The following NPAT variants were observed in gnomAD, a reference collection of about 807,000 sequenced individuals.
NPAT encodes the protein protein NPAT.
A neutral mutation model predicts 130.7 loss-of-function variants in NPAT; 52 were observed. The ratio of observed to expected loss-of-function variants is 0.40; its 90% CI spans 0.32 to 0.50. NPAT has a LOEUF of 0.50. NPAT is among the 20% of genes least tolerant of loss of function. The probability of loss-of-function intolerance (pLI) is 0.68; values close to 1 mark genes in which losing one functional copy is unlikely to be tolerated. For synonymous variants in NPAT, 580 were observed against 584.8 expected, an observed-to-expected ratio of 0.99 and a Z score of 0.12; for missense variants, 1,687 against 1,662.6, an observed-to-expected ratio of 1.01 and a Z score of -0.26.
intron 8 of NPAT, among the ~76,000 whole-genome samples, chr11:108,185,700 C>G (rs1317343252): frequency 6.6e-6 from 1 of 152,198 alleles, no homozygotes; most frequent in Non-Finnish European, 1.5e-5. Flanking sequence ...TTCACCAACT[C>G]TTTCTTATAC....
At position 108,158,761 on chromosome 11, in the gene NPAT, A is replaced by T. The variant is rs376309624; in HGVS notation, c.*181T>A. 3.8e-5 allele frequency: 21 copies of T among 549,786 alleles called. No individual in the cohort carries two copies. The highest frequency in any genetic ancestry group is 3.2e-4 in the East Asian group (10 of 31,676). 34.1% of individuals were successfully genotyped at this position (549,786 alleles called of 1,614,324 possible). On this transcript the variant is annotated 3_prime_UTR_variant, in exon 18 of 18. Coordinates refer to ENST00000278612, the MANE Select transcript of NPAT (RefSeq NM_002519.3). The stretch of plus-strand genomic sequence containing the variant: ...TTTTTCCCAAAATAAAAATATACCA[A>T]GTAAGTCTATTTACAAACTAGGAAG...
chr11:108,202,481 G>A (rs762032646), intron 1 of NPAT, among the ~76,000 whole-genome samples: 4 of 151,524 alleles, frequency 2.6e-5, no homozygotes, highest in Non-Finnish European at 4.4e-5. Flanking sequence ...TTCAGCCCTC[G>A]GGATGGCTGC....
chr11:108,178,788 G>T (rs2078032963), intron 10 of NPAT, among the ~76,000 whole-genome samples: 1 of 152,214 alleles, frequency 6.6e-6, no homozygotes, highest in Non-Finnish European at 1.5e-5. Flanking sequence ...AACCTGGGAG[G>T]CTAAGGTTGC....
intron 1 of NPAT, among the ~76,000 whole-genome samples, chr11:108,200,077 C>T (rs766175384): frequency 6.6e-6 from 1 of 152,208 alleles, no homozygotes; most frequent in Non-Finnish European, 1.5e-5. Flanking sequence ...AGTTTTCTTT[C>T]CCCTGTTGAA....
chr11:108,203,293 C>T (rs999204684), intron 1 of NPAT, among the ~76,000 whole-genome samples: 3 of 152,140 alleles, frequency 2.0e-5, no homozygotes, highest in African/African-American at 7.2e-5. Flanking sequence ...AAACAACTGT[C>T]AGAGGCCCAA....
chr11:108,219,598 C>T (rs2078465038), intron 1 of NPAT, among the ~76,000 whole-genome samples: 1 of 152,124 alleles, frequency 6.6e-6, no homozygotes, highest in Non-Finnish European at 1.5e-5. Context: ...TCATCCATGA[C>T]TAAGACTACT....
At chr11:108,170,180 C>CA in intron 13 of NPAT, 137 bp from the exon 14 acceptor site, 1 of 482,218 alleles carries the variant, frequency 2.1e-6, no homozygotes, top group Non-Finnish European at 3.9e-6. Flanking sequence ...ATCCACTCTC[C>CA]AAAAACAAAA....
chr11:108,210,884 A>G (rs558440238), intron 1 of NPAT, among the ~76,000 whole-genome samples: 1 of 152,222 alleles, frequency 6.6e-6, no homozygotes, highest in Non-Finnish European at 1.5e-5. Context: ...TACCAAAACA[A>G]GAGAAAGACA....
chr11:108,165,631 A>C (rs2077895224), intron 15 of NPAT, among the ~76,000 whole-genome samples: 1 of 147,810 alleles, frequency 6.8e-6, no homozygotes, highest in Non-Finnish European at 1.5e-5. Context: ...CACCTGGCTA[A>C]TATTTTTTTT....
chr11:108,220,836 A>G (rs1223469027), intron 1 of NPAT, among the ~76,000 whole-genome samples: 1 of 152,216 alleles, frequency 6.6e-6, no homozygotes, highest in Non-Finnish European at 1.5e-5. Context: ...ATTTGTAACA[A>G]CAGTAAATAA....
intron 7 of NPAT, among the ~76,000 whole-genome samples, chr11:108,186,801 T>C (rs1398272861): frequency 3.9e-5 from 6 of 152,264 alleles, no homozygotes; most frequent in East Asian, 3.9e-4. Context: ...ACACTGCATA[T>C]AGGCAGGTTT....
At chr11:108,184,792 A>C (rs1335707188) in intron 10 of NPAT, among the ~76,000 whole-genome samples, 1 of 152,228 alleles carries the variant, frequency 6.6e-6, no homozygotes, top group Non-Finnish European at 1.5e-5. Context: ...TGGCCTGCCA[A>C]AGTGCTGGGA....
At chr11:108,162,361 T>G (rs1233644832) in intron 15 of NPAT, among the ~76,000 whole-genome samples, 181 bp from the exon 16 acceptor site, 1 of 152,210 alleles carries the variant, frequency 6.6e-6, no homozygotes, top group African/African-American at 2.4e-5. Context: ...ACAAGATGGC[T>G]ATTTCCCCAC....
In NPAT at chr11:108,210,260, T is replaced by C. The variant is rs529270277; in HGVS notation, c.37+12240A>G. Among the ~76,000 whole-genome samples the C allele has an allele frequency of 9.1e-4, 139 of 152,278 alleles. 1 individual carries two copies. Among genetic ancestry groups the C allele is most frequent in the African/African-American group, 2.2e-3 (90 of 41,572 alleles). On this transcript the variant is annotated intron_variant, in intron 1 of 17. Coordinates refer to ENST00000278612, the MANE Select transcript of NPAT (RefSeq NM_002519.3). ...GAAAGACCCTCATGTAGTTTAGATG[T>C]TGCTCCTGCTAAATCTCACCTTGAA...
chr11:108,212,363 A>C (rs2078392271), intron 1 of NPAT, among the ~76,000 whole-genome samples: 1 of 151,910 alleles, frequency 6.6e-6, no homozygotes, highest in Non-Finnish European at 1.5e-5. Context: ...CGTCTCTACT[A>C]AAAATACAAA....
chr11:108,176,286 A>C lies in NPAT; in HGVS notation c.1092T>G (p.Thr364=), dbSNP rs200595874. The stretch of plus-strand genomic sequence containing the variant: ...CAAAAGAACCTTTAACTGCTAGATT[A>C]GTTTCATCTGCTAAGACTATACTGG... ...SNPSIVLADE[T]NLAVKGSFET... Residue 364 remains threonine (T), a synonymous_variant, in exon 12 of 18, where the codon ACT becomes ACG. Transcript: ENST00000278612. 328 of 1,585,874 alleles carry C rather than the reference A, an allele frequency of 2.1e-4. 4 individuals carry two copies. In the Middle Eastern group the frequency reaches 0.012, roughly 57 times the overall value.
At chr11:108,195,659 ACT>A (rs1392251483) in intron 2 of NPAT, among the ~76,000 whole-genome samples, 1 of 151,576 alleles carries the variant, frequency 6.6e-6, no homozygotes, top group Non-Finnish European at 1.5e-5. Flanking sequence ...ACAGGGTTTT[ACT>A]CTGTCACCCA....
At chr11:108,174,782 C>T (rs569685170) in intron 12 of NPAT, among the ~76,000 whole-genome samples, 1 of 151,874 alleles carries the variant, frequency 6.6e-6, no homozygotes, top group African/African-American at 2.4e-5. Context: ...CCACACCTGG[C>T]TAGCTTTTGT....
rs79119325 is a variant in NPAT, at chr11:108,161,887, C to T, written c.3199G>A (p.Asp1067Asn). 6.2e-3 allele frequency: 10,027 copies of T among 1,613,892 alleles called. 36 individuals are homozygous for T. Among genetic ancestry groups the T allele is most frequent in the Non-Finnish European group, 7.7e-3 (9,085 of 1,179,940 alleles). ...KPCHRRVLCFDSTTAPVANTQ... is the reference protein window; with the variant it reads ...KPCHRRVLCFNSTTAPVANTQ... ...TTTGCCACAGGAGCAGTAGTGCTGTCGAAACAGAGTACACGTCTGTGGCAT... is the reference window on the plus strand; with the variant it reads ...TTTGCCACAGGAGCAGTAGTGCTGTTGAAACAGAGTACACGTCTGTGGCAT... The change falls in exon 17 of 18, where the codon GAC becomes AAC. Residue 1067 changes from aspartate to asparagine, a missense_variant. Asp to Asn is a conservative substitution (Grantham distance 23, BLOSUM62 1). Around this residue, in one of 3 missense-constraint regions of NPAT, gnomAD observed 1,379 missense variants for 1,346.6 expected, o/e 1.02. Coordinates refer to ENST00000278612, the MANE Select transcript of NPAT (RefSeq NM_002519.3).
Sources: gnomAD v4.1 joint callset for allele counts (sites outside exome capture counted in the v4.1 genomes callset) on GRCh38, gnomAD v4.1.1 for gene constraint, gnomAD v4.1.1 regional missense constraint, MANE v1.5 for transcripts, NCBI Gene and HGNC (gene_info 2026-07-23, HGNC 2026-07-21) for gene names.